The following ZNF700 variants were observed in gnomAD, a reference collection of about 807,000 sequenced individuals.
ZNF700 encodes zinc finger protein 700.
Under a neutral mutation model 65.3 loss-of-function variants are expected in ZNF700, and 38 were observed. The ratio of observed to expected loss-of-function variants is 0.58; its 90% CI spans 0.45 to 0.76. ZNF700 has a LOEUF of 0.76. Among genes scored for constraint, ZNF700 ranks in the 30% least tolerant of loss-of-function variants. The probability of loss-of-function intolerance (pLI) is 0.00; values close to 1 mark genes in which losing one functional copy is unlikely to be tolerated. For missense variants in ZNF700, 857 were observed against 888.4 expected, an observed-to-expected ratio of 0.96 and a Z score of 0.45; for synonymous variants, 285 against 290.4, an observed-to-expected ratio of 0.98 and a Z score of 0.19.
chr19:11,926,418 G>A (rs762162244), intron 1 of ZNF700, among the ~76,000 whole-genome samples: 1 of 152,110 alleles, frequency 6.6e-6, no homozygotes, highest in Non-Finnish European at 1.5e-5. Context: ...TTGAGACGGA[G>A]TCTCCTGTCG....
intron 1 of ZNF700, among the ~76,000 whole-genome samples, chr19:11,938,354 A>C (rs1310960097): frequency 2.0e-5 from 3 of 152,100 alleles, no homozygotes; most frequent in African/African-American, 7.2e-5. Context: ...TATTTACATT[A>C]GGTATATCTC....
Position 11,950,474 on chromosome 19 carries a change from A to G in ZNF700, c.*221A>G, listed in dbSNP as rs1240037268. ...ACTCACACGGGAGAGAAACCCTATG[A>G]GTGTATTCTAGTTCCGTTTGATATC... On this transcript the variant is annotated 3_prime_UTR_variant, in exon 4 of 4. Coordinates refer to ENST00000254321, the MANE Select transcript of ZNF700 (RefSeq NM_144566.3). 1.8e-5 allele frequency: 12 copies of G among 678,292 alleles called. No homozygotes were observed. In the East Asian group the frequency reaches 2.9e-4, roughly 17 times the overall value. The allele number at this position is 678,292 out of a possible 1,614,324, so 42.0% of individuals were successfully genotyped here.
rs761817983 is a variant in ZNF700, at chr19:11,947,165, A to G, written c.64-16A>G. On this transcript the variant is annotated splice_polypyrimidine_tract_variant and intron_variant, in intron 1 of 3. Coordinates refer to ENST00000254321, the MANE Select transcript of ZNF700 (RefSeq NM_144566.3). ...CACTCTCACCCATCTTCCTCTACAC[A>G]TGTGAGATGTTTCAGGACCCAGTGG... is the stretch of plus-strand genomic sequence containing the variant. 2 of 1,612,668 alleles carry G rather than the reference A, an allele frequency of 1.2e-6. No homozygotes were observed. Among genetic ancestry groups the G allele is most frequent in the South Asian group, 1.1e-5 (1 of 90,822 alleles).
chr19:11,934,297 G>T (rs939337729), intron 1 of ZNF700, among the ~76,000 whole-genome samples: 1 of 147,672 alleles, frequency 6.8e-6, no homozygotes, highest in African/African-American at 2.7e-5. Context: ...AGTTCATTTG[G>T]GTCAATATTG....
Position 11,937,490 on chromosome 19 carries a change from C to CTTT in ZNF700, c.64-9677_64-9675dup, listed in dbSNP as rs1053539594. Among the ~76,000 whole-genome samples the CTTT allele has an allele frequency of 1.6e-3, 201 of 128,994 alleles. 13 individuals are homozygous for CTTT. Among genetic ancestry groups the CTTT allele is most frequent in the African/African-American group, 5.5e-3 (179 of 32,596 alleles). 84.6% of individuals were successfully genotyped at this position (128,994 alleles called of 152,430 possible). On this transcript the variant is annotated intron_variant, in intron 1 of 3. Coordinates refer to ENST00000254321, the MANE Select transcript of ZNF700 (RefSeq NM_144566.3). ...TAGTAGATTTTTCTTTTTTTCTTTC[C>CTTT]TTTTTTTTTTTTTTTTGAGACAGAG...
intron 1 of ZNF700, among the ~76,000 whole-genome samples, chr19:11,943,564 C>T (rs914547145): frequency 3.3e-5 from 5 of 152,040 alleles, no homozygotes; most frequent in African/African-American, 9.7e-5. Flanking sequence ...ATTTCAAAGA[C>T]TGTGATCATG....
At chr19:11,935,207 TGGGG>T (rs1972774820) in intron 1 of ZNF700, among the ~76,000 whole-genome samples, 1 of 138,794 alleles carries the variant, frequency 7.2e-6, no homozygotes. Context: ...ACTGTCTTTG[TGGGG>T]AGGTATACTT....
Position 11,948,914 on chromosome 19 carries a change from A to T in ZNF700, c.890A>T (p.Glu297Val). 6.2e-7 allele frequency: 1 copy of T among 1,606,770 alleles called. No homozygotes were observed. The highest frequency in any genetic ancestry group is 1.3e-5 in the African/African-American group (1 of 74,418). ...FHSSSSYHRH[E>V]RSHMGEKPYQ... ...AGTTCTAGTTCCTATCATAGACATG[A>T]AAGAAGTCACATGGGAGAGAAGCCT... Residue 297 changes from glutamate (E) to valine (V), a missense_variant, in exon 4 of 4, where the codon GAA becomes GTA. Coordinates refer to ENST00000254321, the MANE Select transcript of ZNF700 (RefSeq NM_144566.3).
chr19:11,927,978 A>C (rs1171271638), intron 1 of ZNF700, among the ~76,000 whole-genome samples: 1 of 152,080 alleles, frequency 6.6e-6, no homozygotes, highest in African/African-American at 2.4e-5. Flanking sequence ...TTTCCATAGA[A>C]GGCTGATGTA....
chr19:11,934,939 G>C (rs1407002822), intron 1 of ZNF700, among the ~76,000 whole-genome samples: 1 of 147,478 alleles, frequency 6.8e-6, no homozygotes. Context: ...CCAGCACTTT[G>C]GGAGGCCAAG....
intron 1 of ZNF700, among the ~76,000 whole-genome samples, chr19:11,930,034 T>C (rs1281123778): frequency 1.4e-5 from 2 of 148,004 alleles, no homozygotes; most frequent in Non-Finnish European, 2.9e-5. Flanking sequence ...CCCCCACAAT[T>C]GCCATGTCTC....
In ZNF700 at chr19:11,948,441, A is replaced by G; in HGVS notation, c.417A>G (p.Ser139=). The part of the protein sequence containing the change: ...FVCAEVGIGN[S]SFNMSIRGDT... Reference sequence around the variant, plus strand: ...GTGCAGAAGTTGGCATAGGTAACTCATCTTTTAATATGAGCATCAGAGGTG... The same window carrying G: ...GTGCAGAAGTTGGCATAGGTAACTCGTCTTTTAATATGAGCATCAGAGGTG... Residue 139 remains serine, a synonymous_variant, in exon 4 of 4, where the codon TCA becomes TCG. Coordinates refer to ENST00000254321, the MANE Select transcript of ZNF700 (RefSeq NM_144566.3). 6.2e-7 allele frequency: 1 copy of G among 1,613,758 alleles called. No individual in the cohort carries two copies. The highest frequency in any genetic ancestry group is 2.2e-5 in the East Asian group (1 of 44,868).
At position 11,935,019 on chromosome 19, in the gene ZNF700, T is replaced by C. The variant is rs189337592; in HGVS notation, c.63+9746T>C. Among the ~76,000 whole-genome samples, 287 of 145,236 alleles carry C rather than the reference T, an allele frequency of 2.0e-3. 40 individuals carry two copies. The highest frequency in any genetic ancestry group is 7.1e-3 in the African/African-American group (259 of 36,368). On this transcript the variant is annotated intron_variant, in intron 1 of 3. Coordinates refer to ENST00000254321, the MANE Select transcript of ZNF700 (RefSeq NM_144566.3). ...TGTGAAACCCCGTCTCTACTAAAAA[T>C]AGAAAAAATTAGCCAGGCATGGTGG... is the stretch of plus-strand genomic sequence containing the variant.
rs527305635 is a variant in ZNF700 at position 11,935,641 on chromosome 19, C to T, written c.63+10368C>T. Among the ~76,000 whole-genome samples the T allele has an allele frequency of 9.2e-5, 14 of 152,186 alleles. 1 individual carries two copies. The East Asian group carries it at 2.3e-3, about 25-fold the overall frequency. On this transcript the variant is annotated intron_variant, in intron 1 of 3. Transcript: ENST00000254321. ...GATAGGCGTTCTGCAATTATTTTGT[C>T]CCAGTCTGTCACCTTTTTATTCTGT...
At chr19:11,925,593 C>A (rs1038657572) in intron 1 of ZNF700, among the ~76,000 whole-genome samples, 1 of 152,208 alleles carries the variant, frequency 6.6e-6, no homozygotes, top group African/African-American at 2.4e-5. Context: ...ATGGAGGCAT[C>A]CTGACTCGGG....
rs371606895 is a variant in ZNF700, at chr19:11,949,700, C to G, written c.1676C>G (p.Thr559Ser). ...CTTCGATATCATGAAAGGACTCACA[C>G]TGGAGAGAAACCCTATGAGTGTAAG... is the stretch of plus-strand genomic sequence containing the variant. ...NSLRYHERTH[T>S]GEKPYECKQC... The change falls in exon 4 of 4, where the codon ACT (threonine) becomes AGT (serine). Residue 559 changes from threonine to serine, a missense_variant. Thr to Ser is a moderately conservative substitution (Grantham distance 58). Around this residue, in one of 3 missense-constraint regions of ZNF700, gnomAD observed 251 missense variants for 250.3 expected, o/e 1.00. Coordinates refer to ENST00000254321, the MANE Select transcript of ZNF700 (RefSeq NM_144566.3). 6.8e-6 allele frequency: 11 copies of G among 1,613,872 alleles called. No homozygotes were observed. In the African/African-American group the frequency reaches 9.4e-5, roughly 14 times the overall value.
Position 11,949,022 on chromosome 19 carries a change from C to G in ZNF700, c.998C>G (p.Pro333Arg). The stretch of plus-strand genomic sequence containing the variant: ...GAAAGGACCCACTCTGGGAAAAAAC[C>G]GTATGAATGTAAGCAATATGGGGAA... Reference protein sequence around the residue: ...RHERTHSGKKPYECKQYGEGL... With the variant: ...RHERTHSGKKRYECKQYGEGL... The change falls in exon 4 of 4, where the codon CCG becomes CGG. Residue 333 changes from proline (P) to arginine (R), a missense_variant. Coordinates refer to ENST00000254321, the MANE Select transcript of ZNF700 (RefSeq NM_144566.3). 1 of 1,606,120 alleles carries G rather than the reference C, an allele frequency of 6.2e-7. No individual in the cohort carries two copies. The highest frequency in any genetic ancestry group is 8.5e-7 in the Non-Finnish European group (1 of 1,178,356).
chr19:11,931,299 A>G (rs1317830475), intron 1 of ZNF700, among the ~76,000 whole-genome samples: 2 of 147,826 alleles, frequency 1.4e-5, no homozygotes, highest in Non-Finnish European at 2.9e-5. Flanking sequence ...CTGGTTTGCA[A>G]ATGATCGTCT....
Position 11,949,935 on chromosome 19 carries a change from G to T in ZNF700, c.1911G>T (p.Met637Ile), listed in dbSNP as rs765660904. The T allele has an allele frequency of 3.7e-6, 6 of 1,612,898 alleles. No homozygotes were observed. The highest frequency in any genetic ancestry group is 4.2e-6 in the Non-Finnish European group (5 of 1,179,694). Residue 637 changes from methionine to isoleucine, a missense_variant, in exon 4 of 4, where the codon ATG becomes ATT. By Grantham distance (10) the Met-to-Ile change is conservative. Coordinates refer to ENST00000254321, the MANE Select transcript of ZNF700 (RefSeq NM_144566.3). Reference sequence around the variant, plus strand: ...TCAGATCTGCCTCAAACCTTCAGATGCATGAAAGGACTCACACTGGAGAGA... The same window carrying T: ...TCAGATCTGCCTCAAACCTTCAGATTCATGAAAGGACTCACACTGGAGAGA... ...KAFRSASNLQ[M>I]HERTHTGEKP...
Sources: gnomAD v4.1 joint callset for allele counts (sites outside exome capture counted in the v4.1 genomes callset) on GRCh38, gnomAD v4.1.1 for gene constraint, gnomAD v4.1.1 regional missense constraint, MANE v1.5 for transcripts, NCBI Gene and HGNC (gene_info 2026-07-23, HGNC 2026-07-21) for gene names.